GLB1: variants seen among roughly 807,000 people sequenced by gnomAD.
GLB1 encodes the protein beta-galactosidase.
In GLB1, 56 loss-of-function variants were observed where a neutral mutation model predicts 74.0. That is an observed-to-expected ratio of 0.76 (90% CI 0.61 to 0.94). GLB1 has a LOEUF of 0.94. Among genes scored for constraint, GLB1 ranks in the 40% least tolerant of loss-of-function variants. GLB1 has a pLI of 0.00. For missense variants in GLB1, 787 were observed against 845.5 expected (o/e 0.93, Z 0.86); for synonymous variants, 323 against 323.6 (o/e 1.00, Z 0.02).
downstream of GLB1, among the ~76,000 whole-genome samples, chr3:32,994,847 G>A (rs2125441386): frequency 6.6e-6 from 1 of 151,612 alleles, no homozygotes; most frequent in Non-Finnish European, 1.5e-5. Context: ...CTTGAACCCA[G>A]GAGGCAAAGT....
At chr3:32,994,259 C>T (rs1696269044), downstream of GLB1, among the ~76,000 whole-genome samples, 1 of 152,196 alleles carries the variant, frequency 6.6e-6, no homozygotes, top group East Asian at 1.9e-4. Flanking sequence ...GGAACACATT[C>T]CTGAACATGC....
the GLB1 span, among the ~76,000 whole-genome samples, chr3:32,964,000 A>G: frequency 6.6e-6 from 1 of 152,208 alleles, no homozygotes; most frequent in African/African-American, 2.4e-5. Context: ...ACACCTGCCC[A>G]CAGAGATGTG....
the GLB1 span, among the ~76,000 whole-genome samples, chr3:32,971,582 C>A: frequency 2.0e-5 from 3 of 152,170 alleles, no homozygotes; most frequent in Non-Finnish European, 4.4e-5. Context: ...GCCGGTAAAC[C>A]AAAAGCCTCA....
intron 1 of GLB1, chr3:33,092,857 G>A (rs773200817): frequency 1.2e-6 from 2 of 1,609,660 alleles, no homozygotes; most frequent in South Asian, 2.2e-5. Flanking sequence ...TGCAGGATGA[G>A]CTCTGTGATC....
chr3:33,040,447 A>AT (rs767803102), intron 10 of GLB1, among the ~76,000 whole-genome samples: 46 of 152,158 alleles, frequency 3.0e-4, no homozygotes, highest in Non-Finnish European at 5.3e-4. Flanking sequence ...TCTACAAAAA[A>AT]AAAATAAAAA....
chr3:32,966,809 C>T, the GLB1 span, among the ~76,000 whole-genome samples: 57 of 152,240 alleles, frequency 3.7e-4, no homozygotes, highest in African/African-American at 1.3e-3. Flanking sequence ...GAATAAGTCT[C>T]GCAAGATCTG....
intron 1 of GLB1, chr3:33,091,919 C>G: frequency 4.1e-6 from 4 of 985,344 alleles, no homozygotes; most frequent in Non-Finnish European, 4.8e-6. Context: ...GCAAAAGCAC[C>G]GCTTTTACTG....
chr3:32,989,381 G>A, the GLB1 span, among the ~76,000 whole-genome samples: 11 of 152,188 alleles, frequency 7.2e-5, no homozygotes, highest in Middle Eastern at 3.2e-3. Flanking sequence ...TCCGGCTCAC[G>A]AAACTCTTCA....
Position 33,021,555 on chromosome 3 carries a change from T to A in GLB1, c.1233+11A>T. On this transcript the variant is annotated intron_variant, in intron 12 of 15. Transcript: ENST00000307363. ...TAGAAAAAAGGCGAGGCATTACCTT[T>A]GAAGGCCTACCTGTTTCACCTGGAT... 1 of 1,613,130 alleles carries A rather than the reference T, an allele frequency of 6.2e-7. No individual in the cohort carries two copies. Among genetic ancestry groups the A allele is most frequent in the Non-Finnish European group, 8.5e-7 (1 of 1,179,606 alleles).
chr3:33,075,631 A>G (rs2125559235), intron 1 of GLB1, among the ~76,000 whole-genome samples: 1 of 152,300 alleles, frequency 6.6e-6, no homozygotes. Context: ...TAAGGGTTAG[A>G]GCAGAATGCT....
intron 14 of GLB1, among the ~76,000 whole-genome samples, chr3:33,014,741 C>T (rs945953279): frequency 2.6e-4 from 39 of 152,148 alleles, no homozygotes; most frequent in African/African-American, 8.2e-4. Context: ...CCAAGGCAGA[C>T]AGATCACTTG....
At chr3:33,073,203 G>C (rs1211062428) in intron 1 of GLB1, among the ~76,000 whole-genome samples, 3 of 152,082 alleles carry the variant, frequency 2.0e-5, no homozygotes, top group Non-Finnish European at 1.5e-5. Flanking sequence ...CCCCATCCTA[G>C]ATATTGCTCT....
intron 1 of GLB1, chr3:33,090,725 C>G (rs1241409984): frequency 1.0e-6 from 1 of 985,264 alleles, no homozygotes; most frequent in African/African-American, 1.7e-5. Context: ...ATTTCTGCTG[C>G]AAAAATGTCC....
At chr3:32,975,856 A>C in the GLB1 span, among the ~76,000 whole-genome samples, 3 of 152,244 alleles carry the variant, frequency 2.0e-5, no homozygotes, top group South Asian at 2.1e-4. Flanking sequence ...CCACTAAGAA[A>C]GAACAAAAGA....
In GLB1 at chr3:33,053,622, T is replaced by C; in HGVS notation, c.734-73A>G. 7 of 1,599,984 alleles carry C rather than the reference T, an allele frequency of 4.4e-6. No individual in the cohort carries two copies. In the Admixed American group the frequency reaches 1.0e-4, roughly 23 times the overall value. On this transcript the variant is annotated intron_variant, in intron 6 of 15. Coordinates refer to ENST00000307363, the MANE Select transcript of GLB1 (RefSeq NM_000404.4). ...GAAGTTAAATAACAAGAGCCCTTCA[T>C]GGGACTCGGGCCTGAAGCCCTGCTA...
At chr3:33,051,679 T>A (rs1698996033) in intron 9 of GLB1, 79 bp downstream of exon 9, 1 of 1,598,714 alleles carries the variant, frequency 6.3e-7, no homozygotes, top group African/African-American at 1.3e-5. Flanking sequence ...AATAAAATTG[T>A]CTGTGGGCAC....
At position 33,093,846 on chromosome 3, in the gene GLB1, G is replaced by A. The variant is rs762689714; in HGVS notation, c.75+3165C>T. On this transcript the variant is annotated intron_variant, in intron 1 of 15. Transcript: ENST00000307363. The surrounding 1 kb of genome is among the most constrained non-coding windows in gnomAD (Gnocchi z 6.0). ...GTAAGCACCCAGGCAGGAGTAGGCC[G>A]CCAAGGAAAAGAGATAGGGCTCTTC... The A allele has an allele frequency of 6.8e-6, 11 of 1,613,516 alleles. No individual in the cohort carries two copies. The highest frequency in any genetic ancestry group is 4.5e-5 in the East Asian group (2 of 44,852).
rs570629285 is a variant in GLB1, at chr3:33,045,829, T to G, written c.1068+291A>C. On this transcript the variant is annotated intron_variant, in intron 10 of 15. Transcript: ENST00000307363. The stretch of plus-strand genomic sequence containing the variant: ...AAATGGAGACAGAAATTTCCCCGGG[T>G]GAATTCTCACCATATAAGAAGTGAA... 1,317 of 1,062,308 alleles carry G rather than the reference T, an allele frequency of 1.2e-3. 2 individuals carry two copies. In the East Asian group the frequency reaches 0.016, roughly 13 times the overall value. 65.8% of individuals were successfully genotyped at this position (1,062,308 alleles called of 1,614,324 possible). A position where few individuals can be genotyped will look rare whatever the true frequency, so the allele number is the denominator to read the frequency against.
At chr3:33,018,623 T>C in intron 12 of GLB1, 62 bp from the exon 13 acceptor site, 4 of 1,544,802 alleles carry the variant, frequency 2.6e-6, no homozygotes, top group Middle Eastern at 3.4e-4. Flanking sequence ...AGAACTTGGT[T>C]ACCCTAGACA....
Sources: allele counts gnomAD v4.1 joint callset (sites outside exome capture counted in the v4.1 genomes callset), GRCh38; gene constraint gnomAD v4.1.1; non-coding constraint Gnocchi (gnomAD v3.1); transcripts MANE v1.5; gene names NCBI Gene and HGNC (gene_info 2026-07-23, HGNC 2026-07-21).